Variants in NAV1 observed in about 807,000 individuals in gnomAD.
NAV1 encodes the protein neuron navigator 1.
In NAV1, 18 loss-of-function variants were observed where a neutral mutation model predicts 175.2. That is an observed-to-expected ratio of 0.10 (90% CI 0.07 to 0.15). The LOEUF is 0.15. NAV1 is among the 10% of genes least tolerant of loss of function. NAV1 has a pLI of 1.00. For missense variants in NAV1, 1,731 were observed against 2,436.6 expected, an observed-to-expected ratio of 0.71 and a Z score of 6.10; for synonymous variants, 897 against 978.7, an observed-to-expected ratio of 0.92 and a Z score of 1.56.
intron 3 of NAV1, among the ~76,000 whole-genome samples, chr1:201,734,434 GGAAGAA>G (rs141362084): frequency 2.5e-5 from 3 of 122,412 alleles, no homozygotes; most frequent in East Asian, 2.2e-4. Flanking sequence ...AAGAAGAAGA[GGAAGAA>G]GAAGAAGAAG....
intron 1 of NAV1, among the ~76,000 whole-genome samples, chr1:201,543,537 T>C (rs987348627): frequency 6.6e-6 from 1 of 152,130 alleles, no homozygotes; most frequent in Non-Finnish European, 1.5e-5. Flanking sequence ...CATTTTTTTT[T>C]CCCCTGTAAA....
At chr1:201,595,026 A>C (rs1212477133) in intron 2 of NAV1, among the ~76,000 whole-genome samples, 1 of 152,214 alleles carries the variant, frequency 6.6e-6, no homozygotes, top group East Asian at 1.9e-4. Context: ...ATGTGAAAGC[A>C]GCTGAGGATT....
intron 3 of NAV1, among the ~76,000 whole-genome samples, chr1:201,746,893 A>G (rs1673802406): frequency 1.3e-5 from 2 of 151,552 alleles, no homozygotes; most frequent in Non-Finnish European, 2.9e-5. Flanking sequence ...AGTTCCAGCT[A>G]CTCGGGAGGC....
At chr1:201,697,520 C>A (rs1178926255) in intron 1 of NAV1, among the ~76,000 whole-genome samples, 1 of 152,194 alleles carries the variant, frequency 6.6e-6, no homozygotes, top group African/African-American at 2.4e-5. Flanking sequence ...TATCCTCAAG[C>A]CTGGCTCTGA....
intron 1 of NAV1, among the ~76,000 whole-genome samples, chr1:201,667,193 GAT>G (rs1669857390): frequency 1.3e-5 from 2 of 152,178 alleles, no homozygotes; most frequent in Admixed American, 6.5e-5. Context: ...ACTTGCTAAG[GAT>G]CACCTGGGGC....
chr1:201,822,426 T>C (rs1482594374), exon 30 of NAV1: 2 of 152,656 alleles, frequency 1.3e-5, no homozygotes, highest in African/African-American at 4.8e-5. Flanking sequence ...CACTCTATTT[T>C]CTGGTGCTGC....
Position 201,723,606 on chromosome 1 carries a change from C to A in NAV1, c.1226+4851C>A, listed in dbSNP as rs577250752. 3.3e-5 allele frequency: 5 copies of A among 152,280 alleles called. No individual in the cohort carries two copies. In the South Asian group the frequency reaches 6.2e-4, roughly 19 times the overall value. 9.4% of individuals were successfully genotyped at this position (152,280 alleles called of 1,614,324 possible). On this transcript the variant is annotated intron_variant, in intron 3 of 29. Transcript: ENST00000367296. ...ATACAAATTCTAAGCCTCAGACTTACCAATGCAGAATCTCTGCTACCCAGA... is the reference window on the plus strand; with the variant it reads ...ATACAAATTCTAAGCCTCAGACTTAACAATGCAGAATCTCTGCTACCCAGA...
chr1:201,620,151 G>C (rs1668117598), upstream of NAV1, among the ~76,000 whole-genome samples: 1 of 152,188 alleles, frequency 6.6e-6, no homozygotes, highest in African/African-American at 2.4e-5. Context: ...CCAGACCACA[G>C]AGTCAAAGGT....
intron 13 of NAV1, chr1:201,792,389 A>C (rs1184848979): frequency 1.3e-5 from 2 of 152,276 alleles, no homozygotes; most frequent in Non-Finnish European, 2.9e-5. Flanking sequence ...GCCTTTCTGC[A>C]GCACCACTGC....
intron 1 of NAV1, among the ~76,000 whole-genome samples, chr1:201,585,894 A>G (rs897970593): frequency 7.2e-5 from 11 of 152,242 alleles, no homozygotes; most frequent in Non-Finnish European, 1.5e-4. Context: ...CAACAGCTAT[A>G]GAAAGCAGTA....
Position 201,706,035 on chromosome 1 carries a change from C to A in NAV1, c.758-6782C>A, listed in dbSNP as rs189654173. Among the ~76,000 whole-genome samples the A allele has an allele frequency of 1.1e-4, 17 of 152,202 alleles. 1 individual carries two copies. The highest frequency in any genetic ancestry group is 9.2e-4 in the Admixed American group (14 of 15,290). On this transcript the variant is annotated intron_variant, in intron 1 of 29. Coordinates refer to ENST00000367296, the Ensembl canonical transcript of NAV1. The stretch of plus-strand genomic sequence containing the variant: ...CACTGAGGTGGGCCTGCAATGCTCT[C>A]CCTGGCTGGAGTTTGAAGGTTTGTG...
chr1:201,647,446 T>G (rs1301486388), upstream of NAV1, among the ~76,000 whole-genome samples: 1 of 152,344 alleles, frequency 6.6e-6, no homozygotes, highest in South Asian at 2.1e-4. Flanking sequence ...CCAAAGCCCT[T>G]CTACCTGTGA....
intron 1 of NAV1, among the ~76,000 whole-genome samples, chr1:201,584,400 G>C (rs748617890): frequency 6.6e-6 from 1 of 152,246 alleles, no homozygotes; most frequent in African/African-American, 2.4e-5. Context: ...AGATTCTCCA[G>C]AGTCATAATG....
exon 30 of NAV1, chr1:201,826,331 C>T (rs1679669122): frequency 6.6e-6 from 1 of 152,212 alleles, no homozygotes. Flanking sequence ...AAGATGATAT[C>T]AAGGCAGAGC....
intron 1 of NAV1, among the ~76,000 whole-genome samples, chr1:201,678,805 CT>C (rs1046991084): frequency 1.3e-5 from 2 of 152,210 alleles, no homozygotes; most frequent in African/African-American, 2.4e-5. Flanking sequence ...TCTGTCCCCC[CT>C]CCCAACCCAA....
intron 3 of NAV1, among the ~76,000 whole-genome samples, chr1:201,731,049 A>G (rs1379924098): frequency 1.3e-5 from 2 of 152,182 alleles, no homozygotes; most frequent in African/African-American, 4.8e-5. Flanking sequence ...AAAGCAGGCC[A>G]GAGGAAAGAG....
In NAV1 at chr1:201,739,713, G is replaced by A. The variant is rs1265284968; in HGVS notation, c.1226+20958G>A. The A allele has an allele frequency of 2.8e-6, 3 of 1,062,032 alleles. No homozygotes were observed. The African/African-American group carries it at 4.9e-5, about 18-fold the overall frequency. The allele number at this position is 1,062,032 out of a possible 1,614,324, so 65.8% of individuals were successfully genotyped here. ...GGCTTCCGAGGCCACCGGAACGGAG[G>A]AGGCTTCGGTGGCTCTTTGTCTACC... On this transcript the variant is annotated intron_variant, in intron 3 of 29. Transcript: ENST00000367296.
At chr1:201,780,877 T>C in intron 4 of NAV1, 135 bp from the exon 9 acceptor site, 3 of 1,045,512 alleles carry the variant, frequency 2.9e-6, no homozygotes, top group South Asian at 3.4e-5. Context: ...CCTAGGGGTA[T>C]AGGTAGAAAC....
intron 3 of NAV1, among the ~76,000 whole-genome samples, chr1:201,728,562 C>G (rs553841467): frequency 3.3e-4 from 49 of 150,234 alleles, no homozygotes; most frequent in African/African-American, 1.2e-3. Flanking sequence ...CCATTACACT[C>G]CAGCCTGGGC....
Sources: gnomAD v4.1 joint callset for allele counts (sites outside exome capture counted in the v4.1 genomes callset) on GRCh38, gnomAD v4.1.1 for gene constraint, MANE v1.5 for transcripts, NCBI Gene and HGNC (gene_info 2026-07-23, HGNC 2026-07-21) for gene names.